The following KANK1 variants were observed in gnomAD, a reference collection of about 807,000 sequenced individuals.
The protein encoded by KANK1 is KN motif and ankyrin repeat domain-containing protein 1.
In KANK1, 109 loss-of-function variants were observed where a neutral mutation model predicts 106.2. That is an observed-to-expected ratio of 1.03 (90% CI 0.88 to 1.20). The LOEUF is 1.20. KANK1 is among the 50% of genes most tolerant of loss of function. The pLI, the probability that KANK1 is intolerant of heterozygous loss-of-function variation, is 0.00. For missense variants in KANK1, 2,399 were observed against 1,710.7 expected (o/e 1.40, Z -7.10); for synonymous variants, 873 against 652.2 (o/e 1.34, Z -5.16).
chr9:628,628 C>T (rs1324744229), intron 1 of KANK1, among the ~76,000 whole-genome samples: 1 of 152,154 alleles, frequency 6.6e-6, no homozygotes, highest in Admixed American at 6.5e-5. Flanking sequence ...AGAGTAACTA[C>T]TGACTTAGGA....
At chr9:511,560 G>A (rs1185852703) in intron 1 of KANK1, among the ~76,000 whole-genome samples, 1 of 144,868 alleles carries the variant, frequency 6.9e-6, no homozygotes, top group Non-Finnish European at 1.5e-5. Flanking sequence ...AACCAACTCT[G>A]TTGGTTGAGG....
chr9:472,184 C>T (rs943729187), intron 2 of KANK1, among the ~76,000 whole-genome samples: 4 of 152,228 alleles, frequency 2.6e-5, no homozygotes, highest in African/African-American at 9.6e-5. Flanking sequence ...TGCCCACAGT[C>T]TCTGTAAGGG....
At chr9:545,836 C>T (rs1394802732) in intron 1 of KANK1, among the ~76,000 whole-genome samples, 3 of 149,968 alleles carry the variant, frequency 2.0e-5, no homozygotes, top group East Asian at 4.0e-4. Context: ...ACCTCTGCCT[C>T]ACGGGTTCAG....
chr9:507,660 G>C (rs1451540928), intron 1 of KANK1, among the ~76,000 whole-genome samples: 1 of 151,384 alleles, frequency 6.6e-6, no homozygotes, highest in Non-Finnish European at 1.5e-5. Context: ...GGGTTCAAGC[G>C]ATTCTCGTGC....
chr9:578,711 T>C (rs1474300150), intron 1 of KANK1, among the ~76,000 whole-genome samples: 1 of 152,184 alleles, frequency 6.6e-6, no homozygotes, highest in Non-Finnish European at 1.5e-5. Flanking sequence ...TAAGTTGGAC[T>C]CTTCTTTACC....
At chr9:692,146 T>C (rs1483926135) in intron 2 of KANK1, among the ~76,000 whole-genome samples, 2 of 152,148 alleles carry the variant, frequency 1.3e-5, no homozygotes, top group African/African-American at 4.8e-5. Context: ...AAGAATTCAC[T>C]GGACCTGCCT....
At chr9:667,305 G>A (rs992981336) in intron 1 of KANK1, among the ~76,000 whole-genome samples, 1 of 151,198 alleles carries the variant, frequency 6.6e-6, no homozygotes, top group African/African-American at 2.4e-5. Context: ...TTATTTATTT[G>A]GGTCCTCTCT....
intron 2 of KANK1, chr9:686,931 G>T: frequency 1.0e-6 from 1 of 985,184 alleles, no homozygotes; most frequent in Non-Finnish European, 1.2e-6. Flanking sequence ...GGTAAAGGGG[G>T]CTTAGGGCTG....
intron 3 of KANK1, among the ~76,000 whole-genome samples, chr9:487,389 A>C (rs1377277804): frequency 6.6e-6 from 1 of 152,228 alleles, no homozygotes; most frequent in Non-Finnish European, 1.5e-5. Context: ...AGGCTAAGGT[A>C]AATGTTCTGA....
intron 1 of KANK1, among the ~76,000 whole-genome samples, chr9:543,291 C>A (rs777695893): frequency 1.3e-4 from 20 of 151,972 alleles, no homozygotes; most frequent in Non-Finnish European, 2.5e-4. Context: ...CACGGTGGCT[C>A]ATGCTTGTAA....
At chr9:477,361 C>A (rs763234413) in intron 3 of KANK1, among the ~76,000 whole-genome samples, 1 of 149,106 alleles carries the variant, frequency 6.7e-6, no homozygotes, top group Non-Finnish European at 1.5e-5. Flanking sequence ...CCTAGAATAA[C>A]TGTCTTTAAA....
chr9:517,583 A>G (rs1170977261), intron 1 of KANK1, among the ~76,000 whole-genome samples: 4 of 151,480 alleles, frequency 2.6e-5, no homozygotes, highest in African/African-American at 7.3e-5. Flanking sequence ...CTATGTGCCT[A>G]TAGAGCTTTT....
At chr9:617,224 C>G (rs763722896) in intron 1 of KANK1, among the ~76,000 whole-genome samples, 2 of 151,958 alleles carry the variant, frequency 1.3e-5, no homozygotes, top group Non-Finnish European at 2.9e-5. Flanking sequence ...GTTCTTTTGG[C>G]AGTGGTTTAG....
rs181573314 is a variant in KANK1 at position 564,884 on chromosome 9, C to G, written c.-84+60130C>G. 1.3e-3 allele frequency among the ~76,000 whole-genome samples: 204 copies of G among 152,262 alleles called. 3 individuals are homozygous for G. Among genetic ancestry groups the G allele is most frequent in the Non-Finnish European group, 2.6e-3 (180 of 68,028 alleles). On this transcript the variant is annotated intron_variant, in intron 1 of 11. Transcript: ENST00000382297. ...TTGTTTTTGGCTTCTCTTGGGAAGC[C>G]CACTCTGGTCCACACAGGTGACTGC...
At chr9:706,738 A>C (rs1472445296) in intron 2 of KANK1, 2 of 974,752 alleles carry the variant, frequency 2.1e-6, no homozygotes, top group African/African-American at 3.5e-5. Flanking sequence ...GGCTGAGAAG[A>C]GTCAGGCAGT....
intron 1 of KANK1, among the ~76,000 whole-genome samples, chr9:552,105 C>G (rs73371044): frequency 9.2e-5 from 14 of 152,148 alleles, no homozygotes; most frequent in African/African-American, 3.4e-4. Context: ...CTAGCCTAGG[C>G]AAGTACGGCA....
At position 730,121 on chromosome 9, in the gene KANK1, C is replaced by G. The variant is rs143126559; in HGVS notation, c.2769C>G (p.Ser923=). The change falls in exon 4 of 12, where the codon TCC becomes TCG. Residue 923 remains serine, a synonymous_variant. Coordinates refer to ENST00000382297, the MANE Select transcript of KANK1 (RefSeq NM_015158.5). ...QSGSPLSSQT[S]QPEQEVGTSE... ...GAAGTCCCTTAAGCTCCCAGACATCCCAGCCTGAGCAAGAAGTGGGGACCT... is the reference window on the plus strand; with the variant it reads ...GAAGTCCCTTAAGCTCCCAGACATCGCAGCCTGAGCAAGAAGTGGGGACCT... 51 of 1,614,158 alleles carry G rather than the reference C, an allele frequency of 3.2e-5. No homozygotes were observed. The highest frequency in any genetic ancestry group is 4.3e-5 in the Non-Finnish European group (51 of 1,180,030).
At chr9:618,729 A>G (rs1180365621) in intron 1 of KANK1, among the ~76,000 whole-genome samples, 4 of 151,764 alleles carry the variant, frequency 2.6e-5, no homozygotes, top group African/African-American at 7.3e-5. Flanking sequence ...GTCTCCAACC[A>G]CAACATCCAA....
intron 1 of KANK1, among the ~76,000 whole-genome samples, chr9:568,926 G>C (rs1215025909): frequency 2.6e-5 from 4 of 152,140 alleles, no homozygotes; most frequent in Non-Finnish European, 5.9e-5. Flanking sequence ...TTAAAAATGG[G>C]ATCGATTTCC....
Sources: allele counts gnomAD v4.1 joint callset (sites outside exome capture counted in the v4.1 genomes callset), GRCh38; gene constraint gnomAD v4.1.1; transcripts MANE v1.5; gene names NCBI Gene and HGNC (gene_info 2026-07-23, HGNC 2026-07-21).